The following MRPL15 variants were observed in gnomAD, a reference collection of about 807,000 sequenced individuals.
MRPL15 encodes large ribosomal subunit protein uL15m.
In MRPL15, 24 loss-of-function variants were observed where a neutral mutation model predicts 28.0. That is an observed-to-expected ratio of 0.86 (90% confidence interval 0.62 to 1.21). The LOEUF (loss-of-function observed/expected upper bound fraction) is 1.21. Ranked by LOEUF, MRPL15 falls within the 50% of genes most tolerant of loss-of-function variation. The pLI, the probability that MRPL15 is intolerant of heterozygous loss-of-function variation, is 0.00. For missense variants in MRPL15, 343 were observed against 372.4 expected (o/e 0.92, Z 0.65); for synonymous variants, 124 against 137.0 (o/e 0.90, Z 0.66).
intron 3 of MRPL15, among the ~76,000 whole-genome samples, chr8:54,138,566 G>A (rs28579846): frequency 0.043 from 6,453 of 150,986 alleles, 471 homozygotes; most frequent in African/African-American, 0.15. Flanking sequence ...TGATCTGCCC[G>A]CCTCAGCTTC....
intron 4 of MRPL15, among the ~76,000 whole-genome samples, chr8:54,146,446 CAAA>C (rs34515810): frequency 1.2e-4 from 11 of 93,014 alleles, no homozygotes; most frequent in Admixed American, 2.1e-4. Context: ...GACTTTGTCT[CAAA>C]AAAAAAAAAA....
chr8:54,146,524 A>G (rs2129240501), intron 4 of MRPL15, among the ~76,000 whole-genome samples: 1 of 151,930 alleles, frequency 6.6e-6, no homozygotes, highest in Non-Finnish European at 1.5e-5. Context: ...GTCTCATTGT[A>G]TACCAAATAC....
intron 3 of MRPL15, among the ~76,000 whole-genome samples, chr8:54,137,795 A>C (rs1810853921): frequency 6.6e-6 from 1 of 152,050 alleles, no homozygotes; most frequent in Non-Finnish European, 1.5e-5. Flanking sequence ...CCAGATAATC[A>C]GTACTCTACC....
chr8:54,147,107 C>T (rs1487770794), intron 4 of MRPL15, among the ~76,000 whole-genome samples: 4 of 152,154 alleles, frequency 2.6e-5, no homozygotes, highest in African/African-American at 9.7e-5. Flanking sequence ...CGGCATGTGC[C>T]TCTAATCCCA....
intron 4 of MRPL15, among the ~76,000 whole-genome samples, chr8:54,144,990 G>T (rs1811019542): frequency 6.6e-6 from 1 of 152,130 alleles, no homozygotes; most frequent in African/African-American, 2.4e-5. Context: ...AGAATGTGGT[G>T]GTGGAGTTTG....
chr8:54,136,433 A>G (rs1164678035), intron 1 of MRPL15, 78 bp from the exon 2 acceptor site: 5 of 1,493,616 alleles, frequency 3.3e-6, no homozygotes, highest in Admixed American at 2.0e-5. Context: ...AATGAACAGC[A>G]TAACAAAAAG....
chr8:54,147,459 G>A lies in MRPL15; in HGVS notation c.631G>A (p.Val211Ile), dbSNP rs772763946. 6 of 1,614,006 alleles carry A rather than the reference G, an allele frequency of 3.7e-6. No homozygotes were observed. The highest frequency in any genetic ancestry group is 1.3e-5 in the African/African-American group (1 of 74,916). Residue 211 changes from valine to isoleucine, a missense_variant, in exon 5 of 5, where the codon GTA becomes ATA. Physicochemically the swap from Val to Ile is conservative, Grantham distance 29. Transcript: ENST00000260102. ...AAGAATGCTTCCACCAGAAGAACTGGTACCATATTACACTGATGCAAAGAA... is the reference window on the plus strand; with the variant it reads ...AAGAATGCTTCCACCAGAAGAACTGATACCATATTACACTGATGCAAAGAA... ...PKRMLPPEEL[V>I]PYYTDAKNRG... is the part of the protein sequence containing the mutation.
rs370023319 is a variant in MRPL15, at chr8:54,145,075, G to C, written c.553+2289G>C. Among the ~76,000 whole-genome samples the C allele has an allele frequency of 7.2e-5, 11 of 152,318 alleles. No individual in the cohort carries two copies. In the East Asian group the frequency reaches 1.7e-3, roughly 24 times the overall value. On this transcript the variant is annotated intron_variant, in intron 4 of 4. Transcript: ENST00000260102. ...ACCCTCAGCCTTGATGCTCTTGTGCGTGGCTCTCTGCAGCAGCTCTGCAGG... is the reference window on the plus strand; with the variant it reads ...ACCCTCAGCCTTGATGCTCTTGTGCCTGGCTCTCTGCAGCAGCTCTGCAGG...
rs375531818 is a variant in MRPL15, at chr8:54,137,314, C to G, written c.310C>G (p.Leu104Val). 2 of 1,613,892 alleles carry G rather than the reference C, an allele frequency of 1.2e-6. No individual in the cohort carries two copies. Among genetic ancestry groups the G allele is most frequent in the African/African-American group, 2.7e-5 (2 of 74,912 alleles). The change falls in exon 3 of 5, where the codon CTT (leucine) becomes GTT (valine). Residue 104 changes from leucine (L) to valine (V), a missense_variant. By Grantham distance (32) the Leu-to-Val change is conservative. Transcript: ENST00000260102. Reference sequence around the variant, plus strand: ...TTTGAGTCTCAATAGACTGCAGTATCTTATTGATTTGGGTCGTGTTGATCC... The same window carrying G: ...TTTGAGTCTCAATAGACTGCAGTATGTTATTGATTTGGGTCGTGTTGATCC... ...KPLSLNRLQY[L>V]IDLGRVDPSQ...
At chr8:54,138,378 G>A (rs549436421) in intron 3 of MRPL15, among the ~76,000 whole-genome samples, 20 of 136,432 alleles carry the variant, frequency 1.5e-4, no homozygotes, top group East Asian at 2.5e-4. Context: ...GTACAATGGC[G>A]CGATCTCAGC....
intron 3 of MRPL15, among the ~76,000 whole-genome samples, chr8:54,141,660 A>T (rs1402301465): frequency 6.6e-6 from 1 of 152,190 alleles, no homozygotes; most frequent in Non-Finnish European, 1.5e-5. Context: ...CAAGTCTCTA[A>T]GATGGCCTAG....
In MRPL15 at chr8:54,135,314, CG is replaced by C; in HGVS notation, c.34del (p.Ala12ProfsTer11). 1 of 1,438,344 alleles carries C rather than the reference CG, an allele frequency of 7.0e-7. No individual in the cohort carries two copies. The allele number at this position is 1,438,344 out of a possible 1,614,324, so 89.1% of individuals were successfully genotyped here. A position where few individuals can be genotyped will look rare whatever the true frequency, so the allele number is the denominator to read the frequency against. On this transcript the variant is annotated frameshift_variant, in exon 1 of 5. Coordinates refer to ENST00000260102, the MANE Select transcript of MRPL15 (RefSeq NM_014175.4). LOFTEE classifies it high-confidence loss of function. ...CGGTCCCTTGCAGGGCGGTGGGGCC[CG>C]GGCCCTGGACCTACTCCGGGGCCTG... is the stretch of plus-strand genomic sequence containing the variant. MAGPLQGGGA[R>X]ALDLLRGLPR...
In MRPL15 at chr8:54,136,628, A is replaced by G. The variant is rs201010270; in HGVS notation, c.226A>G (p.Ile76Val). 1.1e-5 allele frequency: 17 copies of G among 1,614,102 alleles called. No individual in the cohort carries two copies. The highest frequency in any genetic ancestry group is 6.6e-5 in the South Asian group (6 of 91,092). The change falls in exon 2 of 5, where the codon ATC becomes GTC. Residue 76 changes from isoleucine to valine, a missense_variant. Transcript: ENST00000260102. Reference protein sequence around the residue: ...GFEGGQTPFYIRIPKYGFNEG... With the variant: ...GFEGGQTPFYVRIPKYGFNEG... ...TGAGGGAGGCCAGACTCCATTTTAC[A>G]TCCGAATCCCAAAATACGGGTTTAA... is the stretch of plus-strand genomic sequence containing the variant.
At chr8:54,141,004 C>T (rs1164156265) in intron 3 of MRPL15, among the ~76,000 whole-genome samples, 3 of 151,370 alleles carry the variant, frequency 2.0e-5, no homozygotes, top group Non-Finnish European at 4.4e-5. Context: ...TCTTTTTTTC[C>T]CTAGTGAGGC....
intron 3 of MRPL15, among the ~76,000 whole-genome samples, chr8:54,137,679 A>AG (rs1810850554): frequency 6.6e-6 from 1 of 151,926 alleles, no homozygotes; most frequent in Non-Finnish European, 1.5e-5. Flanking sequence ...GGCCAGGCTG[A>AG]TCTTGAACTC....
At chr8:54,136,726 A>G in intron 2 of MRPL15, 61 bp downstream of exon 2, 1 of 1,529,128 alleles carries the variant, frequency 6.5e-7, no homozygotes, top group Non-Finnish European at 8.8e-7. Context: ...GCACCTAAAA[A>G]TAGTTTGGTA....
chr8:54,147,723 C>A lies in MRPL15; in HGVS notation c.*4C>A. The A allele has an allele frequency of 6.3e-7, 1 of 1,597,734 alleles. No homozygotes were observed. The highest frequency in any genetic ancestry group is 1.1e-5 in the South Asian group (1 of 88,868). On this transcript the variant is annotated 3_prime_UTR_variant, in exon 5 of 5. Coordinates refer to ENST00000260102, the MANE Select transcript of MRPL15 (RefSeq NM_014175.4). ...CCTTAAGTATTATACCTCATGAATT[C>A]CCGTCCAAGGAAGCAGAGTTGTTAA... is the stretch of plus-strand genomic sequence containing the variant.
chr8:54,135,596 C>G (rs1353450568), intron 1 of MRPL15, among the ~76,000 whole-genome samples: 1 of 123,836 alleles, frequency 8.1e-6, no homozygotes, highest in African/African-American at 3.8e-5. Flanking sequence ...TTTTTTTTTC[C>G]GAGACGGAGG....
At chr8:54,142,148 C>G (rs1810937892) in intron 3 of MRPL15, among the ~76,000 whole-genome samples, 1 of 150,580 alleles carries the variant, frequency 6.6e-6, no homozygotes, top group Non-Finnish European at 1.5e-5. Context: ...CATGCCTGGC[C>G]TTATTTTATT....
Sources: allele counts gnomAD v4.1 joint callset (sites outside exome capture counted in the v4.1 genomes callset), GRCh38; gene constraint gnomAD v4.1.1; transcripts MANE v1.5; gene names NCBI Gene and HGNC (gene_info 2026-07-23, HGNC 2026-07-21).